Variants in CTNNBL1 observed in about 807,000 individuals in gnomAD.
CTNNBL1 encodes the protein beta-catenin-like protein 1.
In CTNNBL1, 31 loss-of-function variants were observed where a neutral mutation model predicts 72.7. That is an observed-to-expected ratio of 0.43 (90% CI 0.32 to 0.58). The LOEUF is 0.58. CTNNBL1 is among the 20% of genes least tolerant of loss of function. The pLI is 0.08. For missense variants in CTNNBL1, 534 were observed against 725.1 expected (o/e 0.74, Z 3.03); for synonymous variants, 240 against 267.3 (o/e 0.90, Z 1.00).
At chr20:37,867,611 T>C in intron 15 of CTNNBL1, among the ~76,000 whole-genome samples, 1 of 152,112 alleles carries the variant, frequency 6.6e-6, no homozygotes, top group East Asian at 1.9e-4. Context: ...TCTTTCTCAC[T>C]CTCCACTGAC....
At chr20:37,848,329 A>AT (rs900479852) in intron 13 of CTNNBL1, among the ~76,000 whole-genome samples, 3 of 151,664 alleles carry the variant, frequency 2.0e-5, no homozygotes, top group African/African-American at 4.9e-5. Flanking sequence ...TAATGTTTGC[A>AT]TTTTTTTGTA....
intron 11 of CTNNBL1, among the ~76,000 whole-genome samples, chr20:37,826,899 C>T (rs1184600042): frequency 6.6e-6 from 1 of 152,168 alleles, no homozygotes; most frequent in East Asian, 1.9e-4. Flanking sequence ...AAATGCATGG[C>T]TCTTGAGTGC....
intron 11 of CTNNBL1, among the ~76,000 whole-genome samples, chr20:37,810,430 G>GC (rs1257422471): frequency 6.6e-6 from 1 of 151,938 alleles, no homozygotes; most frequent in Non-Finnish European, 1.5e-5. Context: ...GGTGGATCTC[G>GC]CATAGCCCAG....
intron 1 of CTNNBL1, among the ~76,000 whole-genome samples, chr20:37,708,970 C>T (rs892227208): frequency 1.3e-5 from 2 of 152,122 alleles, no homozygotes; most frequent in African/African-American, 4.8e-5. Flanking sequence ...AACCCTGTCT[C>T]TACTGAAAAT....
chr20:37,767,194 A>G (rs60084130), intron 6 of CTNNBL1, among the ~76,000 whole-genome samples: 10,593 of 152,176 alleles, frequency 0.07, 462 homozygotes, highest in African/African-American at 0.096. Flanking sequence ...ATATTCCAGG[A>G]TACGGATTGG....
At chr20:37,756,027 T>C (rs1449010806) in intron 4 of CTNNBL1, among the ~76,000 whole-genome samples, 3 of 152,236 alleles carry the variant, frequency 2.0e-5, no homozygotes, top group Non-Finnish European at 2.9e-5. Flanking sequence ...TTCAAATGCC[T>C]TTGTACATTC....
intron 13 of CTNNBL1, among the ~76,000 whole-genome samples, chr20:37,842,926 C>T (rs866861453): frequency 6.6e-6 from 1 of 152,188 alleles, no homozygotes; most frequent in South Asian, 2.1e-4. Context: ...CAAGCCAAAC[C>T]GCAGGTTCTG....
chr20:37,840,046 A>G, intron 11 of CTNNBL1, 56 bp from the exon 12 acceptor site: 1 of 1,262,114 alleles, frequency 7.9e-7, no homozygotes, highest in East Asian at 2.3e-5. Context: ...GCTTGAAGAG[A>G]GGTAATAATT....
intron 11 of CTNNBL1, among the ~76,000 whole-genome samples, chr20:37,829,077 T>G (rs142181144): frequency 7.8e-4 from 119 of 151,898 alleles, no homozygotes; most frequent in African/African-American, 2.8e-3. Context: ...GCATCTAGAG[T>G]CTTATCAGAA....
intron 11 of CTNNBL1, among the ~76,000 whole-genome samples, chr20:37,835,630 C>A (rs560465639): frequency 1.8e-4 from 27 of 152,220 alleles, no homozygotes; most frequent in Non-Finnish European, 3.7e-4. Flanking sequence ...TGCTTTAATT[C>A]CACTACTAGG....
chr20:37,727,052 C>T (rs1394800563), intron 1 of CTNNBL1, among the ~76,000 whole-genome samples: 11 of 151,942 alleles, frequency 7.2e-5, no homozygotes, highest in African/African-American at 1.9e-4. Flanking sequence ...ATTTAGGATT[C>T]GTTCTGGTGA....
chr20:37,804,186 A>G (rs1447493368), intron 11 of CTNNBL1, among the ~76,000 whole-genome samples: 2 of 152,188 alleles, frequency 1.3e-5, no homozygotes, highest in African/African-American at 4.8e-5. Context: ...CATTTTGACC[A>G]AACACTAGCT....
chr20:37,728,307 T>A (rs1285342641), intron 1 of CTNNBL1, among the ~76,000 whole-genome samples: 1 of 152,254 alleles, frequency 6.6e-6, no homozygotes, highest in Non-Finnish European at 1.5e-5. Flanking sequence ...GTTGAAATGA[T>A]ACTATTTTGG....
intron 1 of CTNNBL1, among the ~76,000 whole-genome samples, chr20:37,714,612 G>T (rs999875151): frequency 5.9e-5 from 9 of 152,338 alleles, no homozygotes; most frequent in African/African-American, 2.2e-4. Context: ...TAAAGCAGGA[G>T]ATTGATTGAT....
chr20:37,824,457 G>A (rs1368493405), intron 11 of CTNNBL1, among the ~76,000 whole-genome samples: 1 of 152,170 alleles, frequency 6.6e-6, no homozygotes, highest in Non-Finnish European at 1.5e-5. Context: ...TGGGGTAAAC[G>A]CCTGAATTCT....
intron 1 of CTNNBL1, among the ~76,000 whole-genome samples, chr20:37,708,448 A>G (rs2072909028): frequency 6.6e-6 from 1 of 152,214 alleles, no homozygotes; most frequent in East Asian, 1.9e-4. Context: ...TTGGGATTAC[A>G]GGTGTGAGCC....
At chr20:37,851,484 T>C (rs755960128) in intron 13 of CTNNBL1, among the ~76,000 whole-genome samples, 9 of 152,224 alleles carry the variant, frequency 5.9e-5, no homozygotes, top group Non-Finnish European at 1.2e-4. Flanking sequence ...TCTCCAGATA[T>C]GGCATAAAGA....
In CTNNBL1 at chr20:37,757,650, T is replaced by C. The variant is rs1157705907; in HGVS notation, c.558T>C (p.Asp186=). The change falls in exon 5 of 16, where the codon GAT becomes GAC. Residue 186 remains aspartate (D), a synonymous_variant. Transcript: ENST00000361383. ...AAGAGGGAGCAGAAGTGCTCATCGA[T>C]GCTCTGGTAAGTTGCACATCCTCTG... The part of the protein sequence containing the change: ...ESEEGAEVLI[D]ALVDGQVVAL... The C allele has an allele frequency of 2.5e-6, 4 of 1,612,464 alleles. No individual in the cohort carries two copies. The Admixed American group carries it at 5.0e-5, about 20-fold the overall frequency.
intron 1 of CTNNBL1, among the ~76,000 whole-genome samples, chr20:37,726,286 T>C (rs61194915): frequency 6.6e-6 from 1 of 152,196 alleles, no homozygotes; most frequent in Non-Finnish European, 1.5e-5. Context: ...TTATAGCCTG[T>C]CTAAAATAGC....
Sources: allele counts gnomAD v4.1 joint callset (sites outside exome capture counted in the v4.1 genomes callset), GRCh38; gene constraint gnomAD v4.1.1; transcripts MANE v1.5; gene names NCBI Gene and HGNC (gene_info 2026-07-23, HGNC 2026-07-21).